MEGF6: variants seen among roughly 807,000 people sequenced by gnomAD.
MEGF6 encodes multiple epidermal growth factor-like domains protein 6.
A neutral mutation model predicts 207.1 loss-of-function variants in MEGF6; 184 were observed. The observed-to-expected ratio is 0.89, with a 90% confidence interval of 0.79 to 1.00. The LOEUF (loss-of-function observed/expected upper bound fraction) is 1.00. Among genes scored for constraint, MEGF6 ranks in the 50% least tolerant of loss-of-function variants. MEGF6 has a pLI of 0.00. For missense variants in MEGF6, 2,282 were observed against 2,202.9 expected (o/e 1.04, Z -0.72); for synonymous variants, 1,038 against 910.0 (o/e 1.14, Z -2.53).
intron 11 of MEGF6, 50 bp from the exon 12 acceptor site, chr1:3,509,295 C>A: frequency 2.9e-6 from 4 of 1,381,336 alleles, no homozygotes; most frequent in South Asian, 1.6e-5. Context: ...CCTGCCTGCT[C>A]CAGCGACCCC....
At chr1:3,537,623 G>A (rs1642375596) in intron 4 of MEGF6, among the ~76,000 whole-genome samples, 1 of 152,238 alleles carries the variant, frequency 6.6e-6, no homozygotes, top group East Asian at 1.9e-4. Context: ...ACGGAAGGCG[G>A]GAGAAGGCGG....
chr1:3,545,797 G>T (rs1057180104), intron 4 of MEGF6, among the ~76,000 whole-genome samples: 1 of 152,202 alleles, frequency 6.6e-6, no homozygotes, highest in African/African-American at 2.4e-5. Flanking sequence ...GGCTCCGCGG[G>T]TCACAGAAGC....
intron 2 of MEGF6, among the ~76,000 whole-genome samples, chr1:3,597,060 C>G (rs111582028): frequency 6.6e-6 from 1 of 152,214 alleles, no homozygotes; most frequent in South Asian, 2.1e-4. Context: ...GGCCCGCGGA[C>G]CCCGCAGCCC....
At chr1:3,505,165 C>T in intron 17 of MEGF6, 43 bp downstream of exon 17, 2 of 1,602,248 alleles carry the variant, frequency 1.2e-6, no homozygotes, top group Non-Finnish European at 1.7e-6. Flanking sequence ...CAGCCTACAC[C>T]CCACAATGAG....
chr1:3,519,666 G>A (rs1641671629), intron 5 of MEGF6, among the ~76,000 whole-genome samples: 2 of 152,234 alleles, frequency 1.3e-5, no homozygotes, highest in African/African-American at 4.8e-5. Context: ...GCAGTGCCCG[G>A]CTCCAGCACA....
intron 3 of MEGF6, among the ~76,000 whole-genome samples, chr1:3,581,413 C>T (rs1250268523): frequency 5.3e-5 from 8 of 152,158 alleles, no homozygotes; most frequent in Admixed American, 3.3e-4. Context: ...TGTGTCCGAA[C>T]GCGATAGGGT....
intron 4 of MEGF6, among the ~76,000 whole-genome samples, chr1:3,567,943 G>A (rs1418546628): frequency 2.0e-5 from 3 of 152,222 alleles, no homozygotes; most frequent in Non-Finnish European, 4.4e-5. Context: ...GCTGCTGCCC[G>A]CCACCCTGGA....
At chr1:3,621,514 G>T in the MEGF6 span, among the ~76,000 whole-genome samples, 2 of 152,160 alleles carry the variant, frequency 1.3e-5, no homozygotes, top group Admixed American at 1.3e-4. Context: ...AATGATTAAT[G>T]ATATTTACAT....
In MEGF6 at chr1:3,507,929, A is replaced by G; in HGVS notation, c.1661-6T>C. The G allele has an allele frequency of 1.2e-6, 2 of 1,609,448 alleles. No individual in the cohort carries two copies. Among genetic ancestry groups the G allele is most frequent in the Non-Finnish European group, 1.7e-6 (2 of 1,177,134 alleles). On this transcript the variant is annotated splice_region_variant and splice_polypyrimidine_tract_variant and intron_variant, in intron 13 of 36. Coordinates refer to ENST00000356575, the MANE Select transcript of MEGF6 (RefSeq NM_001409.4). ...AAAGGTGTCCGGAGGACAAGCTACA[A>G]AGAATGACAGGGAAGCGTCAGGGTC...
chr1:3,586,964 C>T lies in MEGF6; in HGVS notation c.377-7035G>A, dbSNP rs1166933267. On this transcript the variant is annotated intron_variant, in intron 3 of 36. Coordinates refer to ENST00000356575, the MANE Select transcript of MEGF6 (RefSeq NM_001409.4). ...CCAGGGCAGTGTCCAGCAGCCTGGA[C>T]CCCCATCGATTCTGCCAACCCCACC... Among the ~76,000 whole-genome samples the T allele has an allele frequency of 2.6e-5, 4 of 152,204 alleles. No individual in the cohort carries two copies. In the East Asian group the frequency reaches 7.7e-4, roughly 29 times the overall value.
chr1:3,579,241 C>T (rs765553509), intron 4 of MEGF6, among the ~76,000 whole-genome samples: 1 of 152,226 alleles, frequency 6.6e-6, no homozygotes, highest in Non-Finnish European at 1.5e-5. Context: ...CGCTTTTCCC[C>T]GCATTGGCAC....
At chr1:3,595,289 C>G in intron 3 of MEGF6, 49 bp downstream of exon 3, 1 of 1,376,170 alleles carries the variant, frequency 7.3e-7, no homozygotes, top group Non-Finnish European at 1.0e-6. Context: ...CTGCTGAGTC[C>G]TCTGGGGTGG....
chr1:3,496,169 C>G (rs1569935344), intron 29 of MEGF6, 151 bp from the exon 30 acceptor site: 1 of 1,184,818 alleles, frequency 8.4e-7, no homozygotes, highest in African/African-American at 1.6e-5. Context: ...ATGCACCCAC[C>G]CTGGCATCTC....
intron 3 of MEGF6, among the ~76,000 whole-genome samples, chr1:3,583,358 G>C (rs113586718): frequency 0.028 from 1,828 of 66,264 alleles, 97 homozygotes; most frequent in African/African-American, 0.15. Context: ...ACCAGACAAC[G>C]CGCAGCCACC....
At chr1:3,510,270 G>A (rs1421720731) in intron 10 of MEGF6, among the ~76,000 whole-genome samples, 1 of 152,160 alleles carries the variant, frequency 6.6e-6, no homozygotes, top group Non-Finnish European at 1.5e-5. Context: ...CCAGCTCCAG[G>A]AGAGAGCGGC....
intron 5 of MEGF6, among the ~76,000 whole-genome samples, chr1:3,517,818 C>T (rs1430386870): frequency 6.6e-6 from 1 of 152,266 alleles, no homozygotes; most frequent in Admixed American, 6.5e-5. Context: ...CTGTGCTCCA[C>T]AGCCCTCACC....
intron 4 of MEGF6, among the ~76,000 whole-genome samples, chr1:3,542,658 C>T (rs1642567790): frequency 1.3e-5 from 2 of 152,130 alleles, no homozygotes; most frequent in Admixed American, 6.5e-5. Flanking sequence ...AGCATTTTCC[C>T]CAAAACCTCT....
intron 11 of MEGF6, among the ~76,000 whole-genome samples, chr1:3,509,463 T>C (rs946736942): frequency 3.1e-4 from 47 of 152,222 alleles, no homozygotes; most frequent in Admixed American, 3.3e-4. Context: ...CCTGAGGACC[T>C]GAACCCGGCC....
chr1:3,526,555 C>A (rs565580261), intron 4 of MEGF6, among the ~76,000 whole-genome samples: 1 of 152,132 alleles, frequency 6.6e-6, no homozygotes, highest in Non-Finnish European at 1.5e-5. Context: ...CCCGCCACCA[C>A]GCTCGGCTAA....
Sources: allele counts gnomAD v4.1 joint callset (sites outside exome capture counted in the v4.1 genomes callset), GRCh38; gene constraint gnomAD v4.1.1; transcripts MANE v1.5; gene names NCBI Gene and HGNC (gene_info 2026-07-23, HGNC 2026-07-21).